DPH6: variants seen among roughly 807,000 people sequenced by gnomAD.
DPH6 encodes diphthine--ammonia ligase.
A neutral mutation model predicts 38.2 loss-of-function variants in DPH6; 33 were observed. That is an observed-to-expected ratio of 0.86 (90% CI 0.65 to 1.15). DPH6 has a LOEUF of 1.15. Ranked by LOEUF, DPH6 falls within the 50% of genes most tolerant of loss-of-function variation. DPH6 has a pLI of 0.00. For synonymous variants in DPH6, 108 were observed against 103.0 expected (o/e 1.05, Z -0.30); for missense variants, 325 against 320.0 (o/e 1.02, Z -0.12).
intron 3 of DPH6, among the ~76,000 whole-genome samples, chr15:35,264,811 A>T (rs1476262955): frequency 2.0e-5 from 3 of 152,224 alleles, no homozygotes; most frequent in Admixed American, 6.5e-5. Context: ...TTGAATTCCC[A>T]ATGTCAATAT....
At chr15:35,493,324 T>C (rs1057457239) in intron 3 of DPH6, among the ~76,000 whole-genome samples, 7 of 152,202 alleles carry the variant, frequency 4.6e-5, no homozygotes, top group African/African-American at 7.2e-5. Context: ...TAATTGATGG[T>C]TAGATTCCGT....
the DPH6 span, among the ~76,000 whole-genome samples, chr15:35,170,090 C>T: frequency 6.6e-6 from 1 of 152,174 alleles, no homozygotes; most frequent in Admixed American, 6.6e-5. Flanking sequence ...AATAGTACAT[C>T]AAATTGGACT....
intron 3 of DPH6, among the ~76,000 whole-genome samples, chr15:35,337,169 T>A (rs1289571058): frequency 6.6e-6 from 1 of 152,194 alleles, no homozygotes; most frequent in Non-Finnish European, 1.5e-5. Context: ...CCTGGTTTAG[T>A]CTTGGGAGAG....
intron 3 of DPH6, among the ~76,000 whole-genome samples, chr15:35,252,615 G>A (rs2140410591): frequency 6.6e-6 from 1 of 152,314 alleles, no homozygotes; most frequent in East Asian, 1.9e-4. Flanking sequence ...AGTAAAACCT[G>A]TTATCAATTA....
intron 3 of DPH6, among the ~76,000 whole-genome samples, chr15:35,256,095 C>A (rs780983970): frequency 6.6e-6 from 1 of 151,938 alleles, no homozygotes; most frequent in Non-Finnish European, 1.5e-5. Context: ...TCCTGTATAA[C>A]CTGAATCCAG....
intron 5 of DPH6, among the ~76,000 whole-genome samples, chr15:35,443,967 T>C (rs1220018814): frequency 2.0e-5 from 3 of 152,178 alleles, no homozygotes; most frequent in African/African-American, 7.2e-5. Flanking sequence ...TTTCTGATAA[T>C]TTCAAGAAGA....
chr15:35,199,773 C>A, the DPH6 span, among the ~76,000 whole-genome samples: 1 of 150,860 alleles, frequency 6.6e-6, no homozygotes, highest in African/African-American at 2.4e-5. Flanking sequence ...GGGAAAAGTA[C>A]CTCTCTGAAC....
chr15:35,188,222 C>T, the DPH6 span, among the ~76,000 whole-genome samples: 13 of 152,124 alleles, frequency 8.5e-5, no homozygotes, highest in African/African-American at 2.9e-4. Context: ...CATAAGATCT[C>T]GGGAGTTGGC....
intron 3 of DPH6, among the ~76,000 whole-genome samples, chr15:35,486,065 G>A (rs932065542): frequency 6.6e-6 from 1 of 152,184 alleles, no homozygotes; most frequent in Non-Finnish European, 1.5e-5. Context: ...ATTTATAAAG[G>A]AAAGAGGTTT....
At chr15:35,369,267 T>C (rs2140917117), downstream of DPH6, among the ~76,000 whole-genome samples, 1 of 151,958 alleles carries the variant, frequency 6.6e-6, no homozygotes, top group South Asian at 2.1e-4. Flanking sequence ...AAATGAAAAC[T>C]GATGGAATTT....
intron 3 of DPH6, among the ~76,000 whole-genome samples, chr15:35,220,929 C>T (rs2051438366): frequency 6.6e-6 from 1 of 152,172 alleles, no homozygotes; most frequent in Non-Finnish European, 1.5e-5. Context: ...AAGTCTAAGT[C>T]CAAAGTCTCA....
chr15:35,356,487 G>A (rs1452213386), intron 3 of DPH6, among the ~76,000 whole-genome samples: 1 of 152,142 alleles, frequency 6.6e-6, no homozygotes, highest in African/African-American at 2.4e-5. Context: ...CTTTTTGTTA[G>A]TTTTCATTTT....
intron 3 of DPH6, among the ~76,000 whole-genome samples, chr15:35,502,225 C>CTA (rs879918494): frequency 3.9e-4 from 60 of 151,958 alleles, no homozygotes; most frequent in African/African-American, 1.4e-3. Context: ...ATGAAGTACT[C>CTA]TGAGTTGAAA....
chr15:35,391,099 G>C lies in DPH6; in HGVS notation c.568-9183C>G, dbSNP rs148154022. Among the ~76,000 whole-genome samples, 3 of 152,296 alleles carry C rather than the reference G, an allele frequency of 2.0e-5. No homozygotes were observed. In the East Asian group the frequency reaches 5.8e-4, roughly 30 times the overall value. On this transcript the variant is annotated intron_variant, in intron 6 of 8. Coordinates refer to ENST00000256538, the MANE Select transcript of DPH6 (RefSeq NM_080650.4). ...GCTGCAGGTCTGTTGGACTTTACTG[G>C]AGGTCCACTCCAGACCCTATTTGCC...
At chr15:35,263,832 C>T (rs2051765110) in intron 3 of DPH6, among the ~76,000 whole-genome samples, 1 of 152,070 alleles carries the variant, frequency 6.6e-6, no homozygotes, top group African/African-American at 2.4e-5. Flanking sequence ...CTGCCTCAGC[C>T]TCCTGAGTAG....
intron 3 of DPH6, among the ~76,000 whole-genome samples, chr15:35,467,837 T>C (rs554923394): frequency 1.3e-5 from 2 of 152,282 alleles, no homozygotes; most frequent in African/African-American, 2.4e-5. Context: ...TAAACAGTCA[T>C]TGTAGCAGAT....
At chr15:35,453,819 A>G (rs2053964943) in intron 4 of DPH6, among the ~76,000 whole-genome samples, 1 of 152,140 alleles carries the variant, frequency 6.6e-6, no homozygotes, top group African/African-American at 2.4e-5. Context: ...AAGTGTTCAA[A>G]TCTATTAATA....
downstream of DPH6, among the ~76,000 whole-genome samples, chr15:35,370,604 T>C (rs181025319): frequency 6.3e-4 from 95 of 151,818 alleles, no homozygotes; most frequent in Non-Finnish European, 1.0e-3. Context: ...CACATATCTT[T>C]AGGTAGTTGC....
rs189212688 is a variant in DPH6, at chr15:35,246,248, C to T, written n.201-25666G>A. ...GTGTTTGGTGGGCTCTTCACAGGGA[C>T]GCACGTGAAAGTAAGTTTCATTGGC... On this transcript the variant is annotated intron_variant and non_coding_transcript_variant, in intron 3 of 3. Coordinates refer to the DPH6 transcript ENST00000560386. 1.1e-3 allele frequency among the ~76,000 whole-genome samples: 166 copies of T among 152,292 alleles called. 1 individual carries two copies. The highest frequency in any genetic ancestry group is 3.7e-3 in the African/African-American group (155 of 41,548).
Sources: allele counts gnomAD v4.1 joint callset (sites outside exome capture counted in the v4.1 genomes callset), GRCh38; gene constraint gnomAD v4.1.1; transcripts MANE v1.5; gene names NCBI Gene and HGNC (gene_info 2026-07-23, HGNC 2026-07-21).